The following LRRC4C variants were observed in gnomAD, a reference collection of about 807,000 sequenced individuals.
LRRC4C encodes the protein leucine rich repeat containing 4C, also known as leucine-rich repeat-containing protein 4C.
In LRRC4C, 5 loss-of-function variants were observed where a neutral mutation model predicts 33.6. That is an observed-to-expected ratio of 0.15 (90% CI 0.08 to 0.31). The LOEUF is 0.31. Among genes scored for constraint, LRRC4C ranks in the 10% least tolerant of loss-of-function variants. The pLI, the probability that LRRC4C is intolerant of heterozygous loss-of-function variation, is 1.00. For missense variants in LRRC4C, 560 were observed against 796.7 expected, an observed-to-expected ratio of 0.70 and a Z score of 3.58; for synonymous variants, 329 against 302.0, an observed-to-expected ratio of 1.09 and a Z score of -0.93.
At chr11:40,939,497 A>T (rs1958049266) in intron 1 of LRRC4C, among the ~76,000 whole-genome samples, 1 of 152,086 alleles carries the variant, frequency 6.6e-6, no homozygotes, top group Admixed American at 6.6e-5. Context: ...AAATACCTGA[A>T]TTCATTCATT....
intron 2 of LRRC4C, among the ~76,000 whole-genome samples, chr11:40,708,028 G>A (rs1383644331): frequency 6.6e-6 from 1 of 152,140 alleles, no homozygotes; most frequent in Non-Finnish European, 1.5e-5. Flanking sequence ...TCTGATGGTA[G>A]TTTGCATTTC....
chr11:40,193,446 G>A lies in LRRC4C; in HGVS notation c.-96+48073C>T, dbSNP rs115194429. The stretch of plus-strand genomic sequence containing the variant: ...GGATGACCATGCAAAAACCCTATTC[G>A]AAGCTTACCAACATCAAAGACCAAA... On this transcript the variant is annotated intron_variant, in intron 5 of 6. Transcript: ENST00000528697. Among the ~76,000 whole-genome samples the A allele has an allele frequency of 4.1e-3, 631 of 152,258 alleles. 4 individuals carry two copies. The highest frequency in any genetic ancestry group is 0.014 in the African/African-American group (602 of 41,554).
At chr11:41,097,940 C>T (rs1426454216) in intron 1 of LRRC4C, among the ~76,000 whole-genome samples, 1 of 152,072 alleles carries the variant, frequency 6.6e-6, no homozygotes, top group Non-Finnish European at 1.5e-5. Flanking sequence ...CTTTGTACCT[C>T]TCTAAACTAA....
intron 1 of LRRC4C, among the ~76,000 whole-genome samples, chr11:41,027,074 G>A (rs895830915): frequency 6.6e-6 from 1 of 151,500 alleles, no homozygotes; most frequent in African/African-American, 2.4e-5. Context: ...AAGTAGTTTT[G>A]TAACAAAAAT....
chr11:40,491,879 A>C (rs193002235), intron 3 of LRRC4C, among the ~76,000 whole-genome samples: 1 of 152,318 alleles, frequency 6.6e-6, no homozygotes, highest in Non-Finnish European at 1.5e-5. Context: ...TGAGTACACC[A>C]GGAGACAGGA....
chr11:41,407,455 C>A (rs1334979822), intron 1 of LRRC4C, among the ~76,000 whole-genome samples: 1 of 151,926 alleles, frequency 6.6e-6, no homozygotes, highest in Non-Finnish European at 1.5e-5. Flanking sequence ...GCATGTGCCA[C>A]CACATTCGAC....
chr11:40,879,379 G>A (rs1331471240), intron 2 of LRRC4C, among the ~76,000 whole-genome samples: 1 of 152,104 alleles, frequency 6.6e-6, no homozygotes, highest in Non-Finnish European at 1.5e-5. Flanking sequence ...ATAACACAAA[G>A]CCACCCAACT....
At chr11:41,251,343 G>C (rs143881824) in intron 1 of LRRC4C, among the ~76,000 whole-genome samples, 1 of 152,090 alleles carries the variant, frequency 6.6e-6, no homozygotes, top group Non-Finnish European at 1.5e-5. Context: ...AGAGCTCACC[G>C]TCTGCCCTAC....
chr11:40,463,880 A>T (rs1952527656), intron 3 of LRRC4C, among the ~76,000 whole-genome samples: 1 of 152,022 alleles, frequency 6.6e-6, no homozygotes, highest in Non-Finnish European at 1.5e-5. Flanking sequence ...GTCTATAGAA[A>T]ATTGTTCTAG....
intron 4 of LRRC4C, among the ~76,000 whole-genome samples, chr11:40,262,727 A>G (rs1218433437): frequency 1.3e-5 from 2 of 152,160 alleles, no homozygotes; most frequent in African/African-American, 4.8e-5. Flanking sequence ...AAACTAACAC[A>G]GGAACAGAAA....
At chr11:40,452,484 C>A (rs1232909650) in intron 3 of LRRC4C, among the ~76,000 whole-genome samples, 1 of 152,230 alleles carries the variant, frequency 6.6e-6, no homozygotes, top group South Asian at 2.1e-4. Context: ...CAATGAGATA[C>A]CATCTCACAC....
intron 2 of LRRC4C, among the ~76,000 whole-genome samples, chr11:40,712,320 T>C (rs1430821072): frequency 6.6e-6 from 1 of 152,224 alleles, no homozygotes; most frequent in African/African-American, 2.4e-5. Context: ...TAAAACGCTT[T>C]GATTTTCACT....
chr11:40,175,562 T>C (rs985424708), intron 5 of LRRC4C, among the ~76,000 whole-genome samples: 4 of 152,180 alleles, frequency 2.6e-5, no homozygotes, highest in Non-Finnish European at 5.9e-5. Flanking sequence ...AACCAACCTC[T>C]TCCTCTGCAG....
chr11:40,304,578 G>C (rs1944935669), intron 4 of LRRC4C, among the ~76,000 whole-genome samples: 1 of 152,078 alleles, frequency 6.6e-6, no homozygotes, highest in Admixed American at 6.5e-5. Flanking sequence ...CTCTACCTCA[G>C]AAGCTACCCT....
chr11:40,343,026 A>G (rs1337640785), intron 3 of LRRC4C, among the ~76,000 whole-genome samples: 4 of 151,360 alleles, frequency 2.6e-5, no homozygotes, highest in Admixed American at 2.6e-4. Context: ...TTTATTTTAT[A>G]TATATATTTT....
intron 1 of LRRC4C, among the ~76,000 whole-genome samples, chr11:41,239,037 C>T (rs1429153506): frequency 2.6e-5 from 4 of 151,522 alleles, no homozygotes; most frequent in African/African-American, 9.7e-5. Context: ...CAGTATTGGC[C>T]GGGCACGGTG....
intron 1 of LRRC4C, among the ~76,000 whole-genome samples, chr11:41,156,921 G>A (rs1238859403): frequency 1.3e-5 from 2 of 152,070 alleles, no homozygotes; most frequent in African/African-American, 4.8e-5. Flanking sequence ...GCTTAAATGG[G>A]AGGTGTTTAG....
intron 3 of LRRC4C, among the ~76,000 whole-genome samples, chr11:40,331,172 T>C (rs1031242475): frequency 6.6e-6 from 1 of 152,200 alleles, no homozygotes; most frequent in East Asian, 1.9e-4. Flanking sequence ...TTTTATACAC[T>C]GTTGGTGGGA....
At chr11:40,475,062 G>T (rs1953140285) in intron 3 of LRRC4C, among the ~76,000 whole-genome samples, 1 of 152,118 alleles carries the variant, frequency 6.6e-6, no homozygotes, top group African/African-American at 2.4e-5. Context: ...CAAGGATCTA[G>T]AACCAGAAAT....
Sources: gnomAD v4.1 joint callset for allele counts (sites outside exome capture counted in the v4.1 genomes callset) on GRCh38, gnomAD v4.1.1 for gene constraint, MANE v1.5 for transcripts, NCBI Gene and HGNC (gene_info 2026-07-23, HGNC 2026-07-21) for gene names.